The following DLG2 variants were observed in gnomAD, a reference collection of about 807,000 sequenced individuals.
DLG2 encodes disks large homolog 2.
Under a neutral mutation model 132.5 loss-of-function variants are expected in DLG2, and 45 were observed. That is an observed-to-expected ratio of 0.34 (90% CI 0.27 to 0.44). DLG2 has a LOEUF of 0.44. DLG2 is among the 20% of genes least tolerant of loss of function. The pLI is 1.00. For synonymous variants in DLG2, 424 were observed against 419.6 expected, an observed-to-expected ratio of 1.01 and a Z score of -0.13; for missense variants, 1,045 against 1,196.9, an observed-to-expected ratio of 0.87 and a Z score of 1.87.
chr11:84,184,265 A>G (rs916636790), intron 8 of DLG2, among the ~76,000 whole-genome samples: 1 of 151,662 alleles, frequency 6.6e-6, no homozygotes, highest in African/African-American at 2.4e-5. Flanking sequence ...AATGATTGCC[A>G]TTCTAACTGG....
chr11:85,240,931 A>G, intron 4 of DLG2, among the ~76,000 whole-genome samples: 1 of 151,776 alleles, frequency 6.6e-6, no homozygotes, highest in East Asian at 1.9e-4. Context: ...ATCTTAAACA[A>G]GGTTATCAAG....
chr11:85,575,531 T>A lies in DLG2; in HGVS notation c.40+23126A>T, dbSNP rs1425413144. ...CTCCAACCTACATGACAGAGTGAGA[T>A]CCTATCTCAAAAAAAAAAAAAAAAA... is the stretch of plus-strand genomic sequence containing the variant. On this transcript the variant is annotated intron_variant, in intron 3 of 27. Coordinates refer to ENST00000376104, the MANE Select transcript of DLG2 (RefSeq NM_001142699.3). Among the ~76,000 whole-genome samples the A allele has an allele frequency of 1.0e-4, 14 of 138,404 alleles. 1 individual carries two copies. Among genetic ancestry groups the A allele is most frequent in the African/African-American group, 3.5e-4 (13 of 36,944 alleles). The allele number at this position is 138,404 out of a possible 152,430, so 90.8% of individuals were successfully genotyped here.
chr11:85,587,169 T>C (rs574004981), intron 3 of DLG2, among the ~76,000 whole-genome samples: 129 of 152,218 alleles, frequency 8.5e-4, no homozygotes, highest in Non-Finnish European at 1.8e-3. Context: ...AGAATGTATA[T>C]TCTGCGGTTT....
chr11:84,505,528 T>C (rs1319914068), intron 7 of DLG2, among the ~76,000 whole-genome samples: 1 of 152,198 alleles, frequency 6.6e-6, no homozygotes, highest in Non-Finnish European at 1.5e-5. Context: ...ACTAGTTAAA[T>C]GGCTTTGAGC....
chr11:85,528,080 A>T (rs954574382), intron 3 of DLG2, among the ~76,000 whole-genome samples: 5 of 152,212 alleles, frequency 3.3e-5, no homozygotes, highest in Non-Finnish European at 7.3e-5. Context: ...GATTCTGGAT[A>T]TTAGACCTTT....
At chr11:83,682,026 A>C (rs2078915462) in intron 18 of DLG2, 1 of 560,696 alleles carries the variant, frequency 1.8e-6, no homozygotes, top group Admixed American at 6.3e-5. Flanking sequence ...GCTCGTTAAA[A>C]GGAAATTGTG....
In DLG2 at chr11:85,495,107, A is replaced by G. The variant is rs146259225; in HGVS notation, c.40+103550T>C. ...ATATAAAGAGATTATTAACCTCACTAATAACTAAAATAATAGAAATTAAAA... is the reference window on the plus strand; with the variant it reads ...ATATAAAGAGATTATTAACCTCACTGATAACTAAAATAATAGAAATTAAAA... On this transcript the variant is annotated intron_variant, in intron 3 of 27. Coordinates refer to ENST00000376104, the MANE Select transcript of DLG2 (RefSeq NM_001142699.3). Among the ~76,000 whole-genome samples, 282 of 152,294 alleles carry G rather than the reference A, an allele frequency of 1.9e-3. 1 individual carries two copies. Among genetic ancestry groups the G allele is most frequent in the Non-Finnish European group, 3.1e-3 (213 of 68,014 alleles).
At chr11:84,091,211 G>C (rs776792521) in intron 10 of DLG2, among the ~76,000 whole-genome samples, 1 of 152,198 alleles carries the variant, frequency 6.6e-6, no homozygotes, top group African/African-American at 2.4e-5. Context: ...AGTTCTATCA[G>C]AAAATGGTCA....
chr11:84,461,261 A>G (rs1270654436), intron 7 of DLG2, among the ~76,000 whole-genome samples: 10 of 150,906 alleles, frequency 6.6e-5, no homozygotes, highest in Admixed American at 6.6e-4. Context: ...TGTTATCACT[A>G]TTTTATACAT....
At chr11:84,912,046 C>A (rs2154077917) in intron 6 of DLG2, among the ~76,000 whole-genome samples, 1 of 152,264 alleles carries the variant, frequency 6.6e-6, no homozygotes, top group African/African-American at 2.4e-5. Context: ...CAAAGTATAC[C>A]ATAAGGAAAT....
intron 6 of DLG2, among the ~76,000 whole-genome samples, chr11:84,639,133 T>G (rs2099647337): frequency 6.6e-6 from 1 of 152,222 alleles, no homozygotes; most frequent in South Asian, 2.1e-4. Flanking sequence ...TTAAGTTTCC[T>G]CATTCAGTAA....
intron 7 of DLG2, among the ~76,000 whole-genome samples, chr11:84,399,460 C>G (rs907045893): frequency 6.6e-6 from 1 of 152,184 alleles, no homozygotes; most frequent in African/African-American, 2.4e-5. Context: ...GAGTCTCGCT[C>G]TGTCACCCAG....
intron 6 of DLG2, among the ~76,000 whole-genome samples, chr11:84,964,687 T>TA (rs2053077051): frequency 6.6e-6 from 1 of 152,156 alleles, no homozygotes; most frequent in African/African-American, 2.4e-5. Flanking sequence ...ATTCATGCAC[T>TA]AAGTTTATTG....
intron 7 of DLG2, among the ~76,000 whole-genome samples, chr11:84,326,932 T>A (rs2098435722): frequency 6.6e-6 from 1 of 152,054 alleles, no homozygotes; most frequent in African/African-American, 2.4e-5. Context: ...ACTGTTATAT[T>A]TTCCTGAATT....
In DLG2 at chr11:85,487,055, A is replaced by AG. The variant is rs199577783; in HGVS notation, c.40+111601_40+111602insC. Among the ~76,000 whole-genome samples, 5 of 151,764 alleles carry AG rather than the reference A, an allele frequency of 3.3e-5. No individual in the cohort carries two copies. In the East Asian group the frequency reaches 9.7e-4, roughly 29 times the overall value. ...CTGTGTGCTGATTAAAAAAAAAAAAACAGAGATCACACTACTTGCTGCAGG... is the reference window on the plus strand; with the variant it reads ...CTGTGTGCTGATTAAAAAAAAAAAAAGCAGAGATCACACTACTTGCTGCAGG... On this transcript the variant is annotated intron_variant, in intron 3 of 27. Coordinates refer to ENST00000376104, the MANE Select transcript of DLG2 (RefSeq NM_001142699.3).
At chr11:84,919,930 G>A (rs1269446133) in intron 6 of DLG2, among the ~76,000 whole-genome samples, 1 of 152,044 alleles carries the variant, frequency 6.6e-6, no homozygotes, top group Non-Finnish European at 1.5e-5. Flanking sequence ...AAACTAAATT[G>A]TATTTTGTAA....
chr11:83,546,859 G>C (rs6592123), intron 19 of DLG2, among the ~76,000 whole-genome samples: 2 of 151,912 alleles, frequency 1.3e-5, no homozygotes, highest in Non-Finnish European at 2.9e-5. Flanking sequence ...CTATCCTGCA[G>C]TGCATATATT....
At chr11:84,063,483 C>A (rs1039567698) in intron 10 of DLG2, among the ~76,000 whole-genome samples, 1 of 152,012 alleles carries the variant, frequency 6.6e-6, no homozygotes, top group African/African-American at 2.4e-5. Context: ...ATTTGTTCTA[C>A]TTTGACAATA....
At chr11:84,978,743 C>T (rs1342483997) in intron 6 of DLG2, among the ~76,000 whole-genome samples, 3 of 152,152 alleles carry the variant, frequency 2.0e-5, no homozygotes, top group Admixed American at 1.3e-4. Context: ...CCTTTCAGGA[C>T]ACAGGCATGG....
Sources: allele counts gnomAD v4.1 joint callset (sites outside exome capture counted in the v4.1 genomes callset), GRCh38; gene constraint gnomAD v4.1.1; transcripts MANE v1.5; gene names NCBI Gene and HGNC (gene_info 2026-07-23, HGNC 2026-07-21).